Variants in PRRX2 observed in about 807,000 individuals in gnomAD.
PRRX2 encodes paired related homeobox 2, also known as paired mesoderm homeobox protein 2.
Under a neutral mutation model 18.0 loss-of-function variants are expected in PRRX2, and 11 were observed. That is an observed-to-expected ratio of 0.61 (90% confidence interval 0.39 to 1.01). The LOEUF (loss-of-function observed/expected upper bound fraction) is 1.01, where lower values mean the gene tolerates loss of function less well. Among genes scored for constraint, PRRX2 ranks in the 50% least tolerant of loss-of-function variants. PRRX2 has a pLI of 0.01. For missense variants in PRRX2, 387 were observed against 351.0 expected (o/e 1.10, Z -0.82); for synonymous variants, 177 against 154.8 (o/e 1.14, Z -1.06).
At chr9:129,719,605 C>A (rs1476895582) in intron 2 of PRRX2, among the ~76,000 whole-genome samples, 187 bp downstream of exon 2, 1 of 152,274 alleles carries the variant, frequency 6.6e-6, no homozygotes, top group Non-Finnish European at 1.5e-5. Flanking sequence ...GTGACTTAAG[C>A]TGTCTGTGCT....
At chr9:129,673,780 G>T (rs1832130331) in intron 1 of PRRX2, among the ~76,000 whole-genome samples, 3 of 152,192 alleles carry the variant, frequency 2.0e-5, no homozygotes, top group African/African-American at 7.2e-5. Flanking sequence ...GAGTAGATGG[G>T]CAGATACATC....
chr9:129,710,695 T>C (rs1016780911), intron 1 of PRRX2, among the ~76,000 whole-genome samples: 2 of 152,150 alleles, frequency 1.3e-5, no homozygotes, highest in South Asian at 2.1e-4. Flanking sequence ...ATCGCGCCAG[T>C]GCACTCCAGC....
chr9:129,712,761 T>C (rs1360987176), intron 1 of PRRX2: 1 of 152,114 alleles, frequency 6.6e-6, no homozygotes, highest in Non-Finnish European at 1.5e-5. Flanking sequence ...TTTGTTTCAG[T>C]CTCAGGGAAA....
intron 3 of PRRX2, 55 bp downstream of exon 3, chr9:129,720,829 G>A (rs998629906): frequency 6.8e-6 from 10 of 1,462,252 alleles, no homozygotes; most frequent in East Asian, 5.0e-5. Context: ...AATCCCAGAG[G>A]GCTTTTCCGG....
At chr9:129,702,239 T>G (rs1012353552) in intron 1 of PRRX2, among the ~76,000 whole-genome samples, 4 of 151,118 alleles carry the variant, frequency 2.6e-5, no homozygotes, top group African/African-American at 7.3e-5. Context: ...CTACTAAAAA[T>G]ACAAAAGCAT....
At chr9:129,704,955 A>C (rs918394947) in intron 1 of PRRX2, among the ~76,000 whole-genome samples, 5 of 152,232 alleles carry the variant, frequency 3.3e-5, no homozygotes, top group Admixed American at 2.6e-4. Flanking sequence ...GTCTGGAAAC[A>C]GTTAACGAGG....
chr9:129,702,020 G>C (rs1311244002), intron 1 of PRRX2, among the ~76,000 whole-genome samples: 1 of 152,136 alleles, frequency 6.6e-6, no homozygotes, highest in Non-Finnish European at 1.5e-5. Flanking sequence ...AGAATCGCTT[G>C]AACCCGGGAG....
Position 129,720,785 on chromosome 9 carries a change from G to A in PRRX2, c.626+11G>A. 1 of 1,552,072 alleles carries A rather than the reference G, an allele frequency of 6.4e-7. No homozygotes were observed. Among genetic ancestry groups the A allele is most frequent in the Non-Finnish European group, 8.7e-7 (1 of 1,147,294 alleles). On this transcript the variant is annotated intron_variant, in intron 3 of 3. Transcript: ENST00000372469. ...CTCGTCCCCCTACAGGTGAGAGCGG[G>A]AACACCTTTGGGCCAGGAAGGGGCA... is the stretch of plus-strand genomic sequence containing the variant.
At chr9:129,687,824 C>G (rs958938550) in intron 1 of PRRX2, among the ~76,000 whole-genome samples, 1 of 152,352 alleles carries the variant, frequency 6.6e-6, no homozygotes, top group South Asian at 2.1e-4. Flanking sequence ...CATCAGCTCT[C>G]TGAGCCTCAG....
intron 1 of PRRX2, among the ~76,000 whole-genome samples, chr9:129,700,342 C>CT (rs34482094): frequency 0.34 from 47,522 of 138,298 alleles, 9,856 homozygotes; most frequent in African/African-American, 0.6. Flanking sequence ...TTGTTGTTGG[C>CT]TTTTTTTTTT....
In PRRX2 at chr9:129,714,256, G is replaced by C. The variant is rs554914086; in HGVS notation, c.260-4975G>C. On this transcript the variant is annotated intron_variant, in intron 1 of 3. Transcript: ENST00000372469. ...GGAGCCGGAGGTTGCAGTGAGCCGAGATCGTGCCACTGTACTCCAGCCTAT... is the reference window on the plus strand; with the variant it reads ...GGAGCCGGAGGTTGCAGTGAGCCGACATCGTGCCACTGTACTCCAGCCTAT... 6.6e-5 allele frequency among the ~76,000 whole-genome samples: 10 copies of C among 151,954 alleles called. No individual in the cohort carries two copies. In the East Asian group the frequency reaches 2.0e-3, roughly 30 times the overall value.
chr9:129,714,001 C>T (rs746915941), intron 1 of PRRX2, among the ~76,000 whole-genome samples: 1 of 151,780 alleles, frequency 6.6e-6, no homozygotes, highest in Non-Finnish European at 1.5e-5. Flanking sequence ...CTCACAGCTT[C>T]AGTTTCCGTG....
chr9:129,667,556 G>A (rs1188055791), intron 1 of PRRX2, among the ~76,000 whole-genome samples: 2 of 152,154 alleles, frequency 1.3e-5, no homozygotes, highest in East Asian at 3.9e-4. Context: ...GCAAGGAAAG[G>A]AGAGAGAGAG....
At chr9:129,696,184 T>C (rs2130921498) in intron 1 of PRRX2, among the ~76,000 whole-genome samples, 1 of 152,120 alleles carries the variant, frequency 6.6e-6, no homozygotes, top group African/African-American at 2.4e-5. Flanking sequence ...AGATGTATTA[T>C]CATGGAATCT....
At position 129,671,369 on chromosome 9, in the gene PRRX2, A is replaced by G. The variant is rs1031022238; in HGVS notation, c.259+5243A>G. ...TTGGTTCATTATTTGTGGTTCCAGG[A>G]CCTCTTGCTCCTCTGTCCAGTAGAT... On this transcript the variant is annotated intron_variant, in intron 1 of 3. Transcript: ENST00000372469. This position sits in a 1 kb window ranked among gnomAD's most constrained non-coding sequence, Gnocchi z 4.0. Among the ~76,000 whole-genome samples the G allele has an allele frequency of 6.6e-6, 1 of 151,812 alleles. No individual in the cohort carries two copies. Among genetic ancestry groups the G allele is most frequent in the Non-Finnish European group, 1.5e-5 (1 of 67,926 alleles).
At chr9:129,704,284 C>T (rs1280770012) in intron 1 of PRRX2, among the ~76,000 whole-genome samples, 1 of 112,826 alleles carries the variant, frequency 8.9e-6, no homozygotes, top group Non-Finnish European at 1.8e-5. Flanking sequence ...TTAAGCATGT[C>T]CTTGGGAGAG....
At chr9:129,701,153 C>G (rs1401772412) in intron 1 of PRRX2, among the ~76,000 whole-genome samples, 1 of 152,232 alleles carries the variant, frequency 6.6e-6, no homozygotes, top group African/African-American at 2.4e-5. Context: ...GGCATCCCCA[C>G]TAGGGGAAGT....
At chr9:129,714,408 A>AAG (rs1832677255) in intron 1 of PRRX2, among the ~76,000 whole-genome samples, 1 of 151,780 alleles carries the variant, frequency 6.6e-6, no homozygotes, top group African/African-American at 2.4e-5. Context: ...GTCTCAAAAA[A>AAG]AAAAAAAAAA....
chr9:129,679,108 G>A (rs998001718), intron 1 of PRRX2, among the ~76,000 whole-genome samples: 1 of 152,206 alleles, frequency 6.6e-6, no homozygotes, highest in African/African-American at 2.4e-5. Context: ...GGGGACGGGG[G>A]TGCAGATGTC....
Sources: gnomAD v4.1 joint callset for allele counts (sites outside exome capture counted in the v4.1 genomes callset) on GRCh38, gnomAD v4.1.1 for gene constraint, Gnocchi (gnomAD v3.1) non-coding constraint, MANE v1.5 for transcripts, NCBI Gene and HGNC (gene_info 2026-07-23, HGNC 2026-07-21) for gene names.